Variants in ARL15 observed in about 807,000 individuals in gnomAD.
The protein encoded by ARL15 is ADP-ribosylation factor-like protein 15.
In ARL15, 19 loss-of-function variants were observed where a neutral mutation model predicts 25.2. The ratio of observed to expected loss-of-function variants is 0.75; its 90% CI spans 0.53 to 1.10. ARL15 has a LOEUF of 1.10. ARL15 is among the 50% of genes least tolerant of loss of function. The probability of loss-of-function intolerance (pLI) is 0.00; values close to 1 mark genes in which losing one functional copy is unlikely to be tolerated. For synonymous variants in ARL15, 94 were observed against 86.8 expected, an observed-to-expected ratio of 1.08 and a Z score of -0.46; for missense variants, 220 against 246.0, an observed-to-expected ratio of 0.89 and a Z score of 0.71.
At chr5:54,245,688 C>T (rs939640582) in intron 1 of ARL15, among the ~76,000 whole-genome samples, 10 of 151,958 alleles carry the variant, frequency 6.6e-5, no homozygotes, top group Admixed American at 3.3e-4. Context: ...CTTGAGTTCA[C>T]GTGATTCTCC....
intron 1 of ARL15, among the ~76,000 whole-genome samples, chr5:54,274,293 T>C (rs1024736609): frequency 3.9e-5 from 6 of 152,102 alleles, no homozygotes; most frequent in Non-Finnish European, 8.8e-5. Context: ...GGCAGAGAAG[T>C]CCTGATCTTG....
chr5:54,241,410 T>C (rs1756953159), intron 1 of ARL15, among the ~76,000 whole-genome samples: 1 of 152,184 alleles, frequency 6.6e-6, no homozygotes, highest in South Asian at 2.1e-4. Flanking sequence ...CATAAGAATA[T>C]TCTTTCTAAA....
chr5:54,149,628 C>T (rs1330630093), intron 3 of ARL15, among the ~76,000 whole-genome samples: 3 of 152,112 alleles, frequency 2.0e-5, no homozygotes, highest in Non-Finnish European at 4.4e-5. Flanking sequence ...ATTATTATCT[C>T]ACTTTACAGA....
At chr5:54,195,417 GC>G (rs763565437) in intron 1 of ARL15, among the ~76,000 whole-genome samples, 7 of 152,118 alleles carry the variant, frequency 4.6e-5, no homozygotes, top group Non-Finnish European at 8.8e-5. Flanking sequence ...ACAACTGAAG[GC>G]CCCACAGTCA....
intron 1 of ARL15, among the ~76,000 whole-genome samples, chr5:54,221,466 TCTTA>T (rs935539855): frequency 1.3e-5 from 2 of 152,192 alleles, no homozygotes; most frequent in Non-Finnish European, 2.9e-5. Flanking sequence ...TCCTTTGTCC[TCTTA>T]CTTAAGGGAT....
At chr5:53,933,239 A>G (rs1746249982) in intron 4 of ARL15, among the ~76,000 whole-genome samples, 1 of 152,170 alleles carries the variant, frequency 6.6e-6, no homozygotes, top group African/African-American at 2.4e-5. Flanking sequence ...CTAAGAGAAG[A>G]GATTAATCAA....
At chr5:54,243,527 T>C (rs1297490981) in intron 1 of ARL15, among the ~76,000 whole-genome samples, 3 of 152,190 alleles carry the variant, frequency 2.0e-5, no homozygotes, top group African/African-American at 7.2e-5. Context: ...GAAACACATG[T>C]ATGTGGTGAC....
chr5:54,212,562 T>C (rs1171188289), intron 1 of ARL15, among the ~76,000 whole-genome samples: 1 of 152,168 alleles, frequency 6.6e-6, no homozygotes, highest in Non-Finnish European at 1.5e-5. Flanking sequence ...GGTTCATTCA[T>C]TGCCTGGGGC....
chr5:53,957,608 A>T (rs1013102282), intron 4 of ARL15, among the ~76,000 whole-genome samples: 43 of 151,714 alleles, frequency 2.8e-4, no homozygotes, highest in African/African-American at 1.0e-3. Flanking sequence ...GAATTGCTTG[A>T]GCCCAGGAGT....
intron 4 of ARL15, among the ~76,000 whole-genome samples, chr5:53,954,095 T>A (rs1330912859): frequency 1.4e-5 from 2 of 141,242 alleles, no homozygotes. Flanking sequence ...ATCTTCTACT[T>A]AAAAAAAAAA....
At chr5:54,133,435 G>T (rs1753498350) in intron 3 of ARL15, among the ~76,000 whole-genome samples, 1 of 152,176 alleles carries the variant, frequency 6.6e-6, no homozygotes, top group African/African-American at 2.4e-5. Flanking sequence ...AAAGTGGCAA[G>T]TGCTGGCAGT....
At position 54,027,461 on chromosome 5, in the gene ARL15, T is replaced by C. The variant is rs530412776; in HGVS notation, c.462+85741A>G. Among the ~76,000 whole-genome samples the C allele has an allele frequency of 2.6e-5, 4 of 152,332 alleles. No individual in the cohort carries two copies. In the East Asian group the frequency reaches 5.8e-4, roughly 22 times the overall value. On this transcript the variant is annotated intron_variant, in intron 4 of 4. Coordinates refer to ENST00000504924, the MANE Select transcript of ARL15 (RefSeq NM_019087.3). ...GAACAGTTAAATGAACTGCAGAATA[T>C]GGTATTTGCCAAAGGGGAATTAATT... is the stretch of plus-strand genomic sequence containing the variant.
chr5:54,165,866 G>A (rs149542), intron 2 of ARL15, among the ~76,000 whole-genome samples: 62,876 of 151,538 alleles, frequency 0.41, 13,624 homozygotes, highest in East Asian at 0.82. Flanking sequence ...GAATCAATAC[G>A]CAGTTCAAGT....
rs572118875 is a variant in ARL15 at position 54,093,106 on chromosome 5, C to T, written c.462+20096G>A. ...AGTGATGAACAAACACAAAGCCATGCTTTGATGTTAAAGATGCAGTGCTTC... is the reference window on the plus strand; with the variant it reads ...AGTGATGAACAAACACAAAGCCATGTTTTGATGTTAAAGATGCAGTGCTTC... On this transcript the variant is annotated intron_variant, in intron 4 of 4. Coordinates refer to ENST00000504924, the MANE Select transcript of ARL15 (RefSeq NM_019087.3). Among the ~76,000 whole-genome samples, 7 of 152,200 alleles carry T rather than the reference C, an allele frequency of 4.6e-5. No homozygotes were observed. The East Asian group carries it at 7.7e-4, about 17-fold the overall frequency.
chr5:54,296,687 G>A (rs1259829885), intron 1 of ARL15, among the ~76,000 whole-genome samples: 1 of 152,244 alleles, frequency 6.6e-6, no homozygotes, highest in Non-Finnish European at 1.5e-5. Flanking sequence ...TTCACAATGG[G>A]GATCTGGGCA....
At chr5:54,160,782 G>A (rs1754380865) in intron 2 of ARL15, among the ~76,000 whole-genome samples, 1 of 152,154 alleles carries the variant, frequency 6.6e-6, no homozygotes, top group Admixed American at 6.5e-5. Context: ...CTGAAGAAAA[G>A]GCAGACATTC....
chr5:53,952,685 C>G (rs1747017922), intron 4 of ARL15, among the ~76,000 whole-genome samples: 1 of 152,096 alleles, frequency 6.6e-6, no homozygotes, highest in Non-Finnish European at 1.5e-5. Flanking sequence ...GAAATAATTT[C>G]TAAACATTTT....
intron 1 of ARL15, among the ~76,000 whole-genome samples, chr5:54,242,795 C>A (rs948294811): frequency 2.0e-5 from 3 of 151,984 alleles, no homozygotes; most frequent in Non-Finnish European, 4.4e-5. Context: ...CCCTTTTTTT[C>A]CTAGGTCAGT....
At chr5:54,101,839 T>C (rs1048803766) in intron 4 of ARL15, among the ~76,000 whole-genome samples, 11 of 152,126 alleles carry the variant, frequency 7.2e-5, no homozygotes, top group African/African-American at 2.7e-4. Flanking sequence ...TCCCAACTTA[T>C]ACTTAAAGAA....
Sources: allele counts gnomAD v4.1 joint callset (sites outside exome capture counted in the v4.1 genomes callset), GRCh38; gene constraint gnomAD v4.1.1; transcripts MANE v1.5; gene names NCBI Gene and HGNC (gene_info 2026-07-23, HGNC 2026-07-21).